The following PPP1R42 variants were observed in gnomAD, a reference collection of about 807,000 sequenced individuals.
PPP1R42 encodes protein phosphatase 1 regulatory subunit 42.
PPP1R42 carries 34 observed loss-of-function variants against 31.0 expected under a neutral mutation model. That is an observed-to-expected ratio of 1.10 (90% CI 0.83 to 1.46). PPP1R42 has a LOEUF of 1.46. PPP1R42 is among the 40% of genes most tolerant of loss of function. The pLI, the probability that PPP1R42 is intolerant of heterozygous loss-of-function variation, is 0.00. For synonymous variants in PPP1R42, 103 were observed against 109.8 expected, an observed-to-expected ratio of 0.94 and a Z score of 0.39; for missense variants, 268 against 303.0, an observed-to-expected ratio of 0.88 and a Z score of 0.86.
chr8:67,023,653 ATC>A (rs1417071807), intron 1 of PPP1R42, among the ~76,000 whole-genome samples: 1 of 151,904 alleles, frequency 6.6e-6, no homozygotes, highest in Non-Finnish European at 1.5e-5. Flanking sequence ...CAAACCTTTT[ATC>A]TCTTTTTTTT....
chr8:66,988,818 C>T (rs894168706), intron 5 of PPP1R42, among the ~76,000 whole-genome samples: 1 of 152,092 alleles, frequency 6.6e-6, no homozygotes, highest in Admixed American at 6.5e-5. Flanking sequence ...GCAGAAGATG[C>T]CCTATTCTTA....
At chr8:66,997,261 T>C (rs920991164) in intron 5 of PPP1R42, among the ~76,000 whole-genome samples, 1 of 152,182 alleles carries the variant, frequency 6.6e-6, no homozygotes, top group African/African-American at 2.4e-5. Context: ...ACTTTAAAGT[T>C]GTGAAATCAG....
At chr8:66,971,794 A>G (rs1367916213) in intron 7 of PPP1R42, among the ~76,000 whole-genome samples, 1 of 152,210 alleles carries the variant, frequency 6.6e-6, no homozygotes, top group Non-Finnish European at 1.5e-5. Flanking sequence ...TTAGGATAAG[A>G]TTTTTAAATT....
intron 1 of PPP1R42, among the ~76,000 whole-genome samples, chr8:67,027,927 CT>C (rs5892070): frequency 0.019 from 2,848 of 151,920 alleles, 45 homozygotes; most frequent in Admixed American, 0.045. Context: ...TTATTGTTAG[CT>C]TTTTGTTGGT....
chr8:67,018,242 G>T (rs192102740), intron 1 of PPP1R42, among the ~76,000 whole-genome samples: 3 of 148,608 alleles, frequency 2.0e-5, no homozygotes, highest in Non-Finnish European at 4.4e-5. Flanking sequence ...CAAGCCTCCC[G>T]AGTAGCTGGG....
intron 6 of PPP1R42, among the ~76,000 whole-genome samples, chr8:66,987,739 A>C (rs1815066772): frequency 6.6e-6 from 1 of 152,190 alleles, no homozygotes; most frequent in Admixed American, 6.5e-5. Flanking sequence ...ATGCTAAGTA[A>C]ACCAAATATG....
At chr8:67,019,132 G>C (rs552320800) in intron 1 of PPP1R42, among the ~76,000 whole-genome samples, 2 of 150,560 alleles carry the variant, frequency 1.3e-5, no homozygotes, top group African/African-American at 2.4e-5. Context: ...CACTGCGCCC[G>C]AGCCATGCAC....
chr8:67,017,104 G>A (rs973393542), intron 2 of PPP1R42, among the ~76,000 whole-genome samples: 7 of 151,894 alleles, frequency 4.6e-5, no homozygotes, highest in Non-Finnish European at 1.0e-4. Flanking sequence ...ATATTTTATA[G>A]ATTTAATTTT....
chr8:67,022,221 C>T (rs185666961), intron 1 of PPP1R42, among the ~76,000 whole-genome samples: 146 of 152,316 alleles, frequency 9.6e-4, no homozygotes, highest in African/African-American at 3.4e-3. Context: ...AAAATGATAT[C>T]TCACTACTGT....
rs62513078 is a variant in PPP1R42, at chr8:67,026,368, A to C, written c.-85+2123T>G. 4.8e-3 allele frequency among the ~76,000 whole-genome samples: 737 copies of C among 152,134 alleles called. 3 individuals are homozygous for C. The highest frequency in any genetic ancestry group is 0.017 in the Middle Eastern group (5 of 294). ...AAAAAAAGAAAAAAGAAAATGTGAC[A>C]AGGTAAAGGAGCTTGGGCTAGGGCT... On this transcript the variant is annotated intron_variant, in intron 1 of 7. Coordinates refer to ENST00000685739, the MANE Select transcript of PPP1R42 (RefSeq NM_001364910.1).
chr8:67,016,760 A>G (rs919838196), intron 2 of PPP1R42, among the ~76,000 whole-genome samples: 2 of 152,150 alleles, frequency 1.3e-5, no homozygotes, highest in Non-Finnish European at 1.5e-5. Context: ...CTTAGCCAGG[A>G]TAAATTCTTT....
chr8:67,013,072 A>G lies in PPP1R42; in HGVS notation c.321T>C (p.Ala107=). 6.2e-7 allele frequency: 1 copy of G among 1,601,810 alleles called. No individual in the cohort carries two copies. Among genetic ancestry groups the G allele is most frequent in the Non-Finnish European group, 8.5e-7 (1 of 1,175,604 alleles). Residue 107 remains alanine, a synonymous_variant, in exon 4 of 8, where the codon GCT becomes GCC. Transcript: ENST00000685739. ...CTAATCCTTCTAAACCTTCTATGAC[A>G]GCAATGTAATTGCCTCCCAGATACC... ...EKLYLGGNYI[A]VIEGLEGLGE...
intron 5 of PPP1R42, among the ~76,000 whole-genome samples, chr8:67,004,007 G>A (rs1012199800): frequency 2.0e-5 from 3 of 151,746 alleles, no homozygotes; most frequent in African/African-American, 7.3e-5. Context: ...GGAGAATGGC[G>A]TTAACCTGGG....
chr8:66,982,951 C>CT lies in PPP1R42; in HGVS notation c.671-772dup, dbSNP rs199626734. The stretch of plus-strand genomic sequence containing the variant: ...GCCACCATGCCTGGATAATTAAAAG[C>CT]TTTTTTTTTTTTTTAGAGATGGGAT... On this transcript the variant is annotated intron_variant, in intron 6 of 7. Transcript: ENST00000685739. 1.0e-3 allele frequency among the ~76,000 whole-genome samples: 143 copies of CT among 136,238 alleles called. 1 individual carries two copies. Among genetic ancestry groups the CT allele is most frequent in the Middle Eastern group, 3.9e-3 (1 of 254 alleles). The allele number at this position is 136,238 out of a possible 152,430, so 89.4% of individuals were successfully genotyped here.
At chr8:67,002,351 C>T (rs1027720061) in intron 5 of PPP1R42, among the ~76,000 whole-genome samples, 1 of 152,096 alleles carries the variant, frequency 6.6e-6, no homozygotes, top group Non-Finnish European at 1.5e-5. Context: ...AGGCATGAGC[C>T]ACTACACCTG....
intron 5 of PPP1R42, among the ~76,000 whole-genome samples, chr8:67,002,762 A>T (rs1163679583): frequency 2.8e-4 from 23 of 82,326 alleles, no homozygotes; most frequent in East Asian, 6.8e-4. Flanking sequence ...TCCGTGCTTT[A>T]CTTTGGATAG....
intron 6 of PPP1R42, chr8:66,984,637 A>C: frequency 7.4e-7 from 1 of 1,358,804 alleles, no homozygotes; most frequent in Non-Finnish European, 1.1e-6. Flanking sequence ...AAGCTTTTAA[A>C]TTTTCTTGAC....
intron 6 of PPP1R42, among the ~76,000 whole-genome samples, chr8:66,983,278 C>T (rs1814902884): frequency 6.6e-6 from 1 of 151,838 alleles, no homozygotes; most frequent in South Asian, 2.1e-4. Context: ...GTGTTGTGAA[C>T]ATTTTACCAT....
At chr8:66,983,791 A>G (rs16933125) in intron 6 of PPP1R42, among the ~76,000 whole-genome samples, 12,602 of 152,218 alleles carry the variant, frequency 0.083, 1,066 homozygotes, top group African/African-American at 0.22. Context: ...TAGAAGTAAA[A>G]CTGTCTCCAT....
Sources: allele counts gnomAD v4.1 joint callset (sites outside exome capture counted in the v4.1 genomes callset), GRCh38; gene constraint gnomAD v4.1.1; transcripts MANE v1.5; gene names NCBI Gene and HGNC (gene_info 2026-07-23, HGNC 2026-07-21).